The following SAMD5 variants were observed in gnomAD, a reference collection of about 807,000 sequenced individuals.
SAMD5 encodes sterile alpha motif domain containing 5, also known as sterile alpha motif domain-containing protein 5.
A neutral mutation model predicts 11.3 loss-of-function variants in SAMD5; 13 were observed. That is an observed-to-expected ratio of 1.15 (90% CI 0.75 to 1.83). The LOEUF is 1.83. Ranked by LOEUF, SAMD5 falls within the 40% of genes most tolerant of loss-of-function variation. SAMD5 has a pLI of 0.00. For synonymous variants in SAMD5, 129 were observed against 111.3 expected, an observed-to-expected ratio of 1.16 and a Z score of -1.00; for missense variants, 255 against 239.1, an observed-to-expected ratio of 1.07 and a Z score of -0.44.
chr6:147,737,344 G>A, exon 2 of SAMD5: 1 of 1,261,204 alleles, frequency 7.9e-7, no homozygotes, highest in Non-Finnish European at 1.0e-6. Flanking sequence ...CCTTCAAGAA[G>A]TAATTTGCGT....
At chr6:147,929,777 G>C in the SAMD5 span, among the ~76,000 whole-genome samples, 1 of 152,080 alleles carries the variant, frequency 6.6e-6, no homozygotes, top group Non-Finnish European at 1.5e-5. Context: ...GTAACATTGG[G>C]GGGGAAAGTA....
chr6:147,828,175 C>T, the SAMD5 span, among the ~76,000 whole-genome samples: 2 of 152,320 alleles, frequency 1.3e-5, no homozygotes, highest in African/African-American at 4.8e-5. Flanking sequence ...GAGTGTTAAA[C>T]TCCTGATCAT....
At chr6:147,667,070 C>T (rs918428480) in intron 1 of SAMD5, among the ~76,000 whole-genome samples, 5 of 152,154 alleles carry the variant, frequency 3.3e-5, no homozygotes, top group African/African-American at 9.7e-5. Context: ...GCCCTGCTCT[C>T]CATGAGCTGC....
chr6:147,510,937 T>G (rs1788078677), intron 1 of SAMD5, among the ~76,000 whole-genome samples: 1 of 152,186 alleles, frequency 6.6e-6, no homozygotes, highest in Admixed American at 6.5e-5. Flanking sequence ...TAGAGAGATC[T>G]GGTCATCAGT....
chr6:147,828,892 A>G, the SAMD5 span, among the ~76,000 whole-genome samples: 7,823 of 152,242 alleles, frequency 0.051, 673 homozygotes, highest in African/African-American at 0.18. Flanking sequence ...CAAAGGTACC[A>G]TAAAAGGAGA....
At chr6:147,769,797 T>A in the SAMD5 span, among the ~76,000 whole-genome samples, 1 of 152,214 alleles carries the variant, frequency 6.6e-6, no homozygotes, top group Non-Finnish European at 1.5e-5. Flanking sequence ...GCCAGACATG[T>A]CTGTTTTCTT....
the SAMD5 span, among the ~76,000 whole-genome samples, chr6:147,770,435 T>G: frequency 2.0e-5 from 3 of 152,216 alleles, no homozygotes; most frequent in African/African-American, 7.2e-5. Context: ...GTAACGAGAC[T>G]GCTGACTCGG....
chr6:147,622,687 C>T (rs1032461442), intron 1 of SAMD5, among the ~76,000 whole-genome samples: 10 of 152,172 alleles, frequency 6.6e-5, no homozygotes, highest in African/African-American at 2.4e-4. Flanking sequence ...GATGCCTGGC[C>T]AGCTGCACCT....
chr6:147,832,546 G>A, the SAMD5 span, among the ~76,000 whole-genome samples: 3 of 151,870 alleles, frequency 2.0e-5, no homozygotes, highest in Non-Finnish European at 2.9e-5. Flanking sequence ...GACTACCATC[G>A]CCTGCGCATC....
chr6:147,729,341 C>T (rs1265051140), intron 1 of SAMD5, among the ~76,000 whole-genome samples: 1 of 152,200 alleles, frequency 6.6e-6, no homozygotes, highest in East Asian at 1.9e-4. Context: ...CAGTGTTTCC[C>T]TTAACTATTT....
At position 147,727,045 on chromosome 6, in the gene SAMD5, T is replaced by C. The variant is rs149686908; in HGVS notation, c.163-10272T>C. 4.8e-3 allele frequency among the ~76,000 whole-genome samples: 726 copies of C among 152,322 alleles called. 7 individuals carry two copies. The highest frequency in any genetic ancestry group is 8.2e-3 in the Non-Finnish European group (559 of 68,024). ...AGAATGGATCATGTCATGCCCTTGC[T>C]GAAAGCCTTTTAACTTTCAGGCCCA... On this transcript the variant is annotated intron_variant, in intron 1 of 1. Coordinates refer to the SAMD5 transcript ENST00000566741.
chr6:147,846,758 T>A, the SAMD5 span, among the ~76,000 whole-genome samples: 1 of 152,202 alleles, frequency 6.6e-6, no homozygotes, highest in Non-Finnish European at 1.5e-5. Flanking sequence ...AGACAGAGGT[T>A]GCAGCACGCT....
At chr6:147,856,007 C>A in the SAMD5 span, among the ~76,000 whole-genome samples, 30 of 151,962 alleles carry the variant, frequency 2.0e-4, no homozygotes, top group Admixed American at 1.9e-3. Flanking sequence ...TTGTAATAAC[C>A]AAAACCTGGA....
At chr6:147,647,423 G>T (rs1790422483) in intron 1 of SAMD5, among the ~76,000 whole-genome samples, 1 of 151,812 alleles carries the variant, frequency 6.6e-6, no homozygotes, top group African/African-American at 2.4e-5. Flanking sequence ...GAAAGAGGGG[G>T]GTTTGAAGGG....
At chr6:147,756,240 C>T in the SAMD5 span, among the ~76,000 whole-genome samples, 1 of 152,064 alleles carries the variant, frequency 6.6e-6, no homozygotes, top group Non-Finnish European at 1.5e-5. Context: ...GAGTATTTGA[C>T]ATATACTAAA....
At chr6:147,890,361 CT>C in the SAMD5 span, among the ~76,000 whole-genome samples, 22,743 of 140,552 alleles carry the variant, frequency 0.16, 2,843 homozygotes, top group African/African-American at 0.37. Context: ...TTTCAATTAT[CT>C]TTTTTTTTTT....
chr6:147,810,148 G>T, the SAMD5 span, among the ~76,000 whole-genome samples: 5 of 152,156 alleles, frequency 3.3e-5, no homozygotes, highest in Non-Finnish European at 5.9e-5. Flanking sequence ...ATGAAGATAA[G>T]TTTAATGTAA....
At chr6:147,814,516 C>G in the SAMD5 span, among the ~76,000 whole-genome samples, 1 of 152,108 alleles carries the variant, frequency 6.6e-6, no homozygotes, top group African/African-American at 2.4e-5. Flanking sequence ...TCAGTTGGAT[C>G]TGGCTTTATG....
chr6:147,802,566 G>C, the SAMD5 span, among the ~76,000 whole-genome samples: 88 of 151,230 alleles, frequency 5.8e-4, no homozygotes, highest in Non-Finnish European at 9.1e-4. Context: ...GGTAGAGAAA[G>C]AAGAAAGGAC....
Sources: allele counts gnomAD v4.1 joint callset (sites outside exome capture counted in the v4.1 genomes callset), GRCh38; gene constraint gnomAD v4.1.1; transcripts MANE v1.5; gene names NCBI Gene and HGNC (gene_info 2026-07-23, HGNC 2026-07-21).